HIVEP3: variants seen among roughly 807,000 people sequenced by gnomAD.
HIVEP3 encodes the protein HIVEP zinc finger 3.
A neutral mutation model predicts 152.8 loss-of-function variants in HIVEP3; 49 were observed. The ratio of observed to expected loss-of-function variants is 0.32; its 90% CI spans 0.26 to 0.41. The LOEUF is 0.41. Ranked by LOEUF, HIVEP3 falls within the 10% of genes least tolerant of loss-of-function variation. The pLI is 1.00. For synonymous variants in HIVEP3, 1,269 were observed against 1,289.0 expected, an observed-to-expected ratio of 0.98 and a Z score of 0.33; for missense variants, 2,790 against 3,103.3, an observed-to-expected ratio of 0.90 and a Z score of 2.40.
intron 2 of HIVEP3, among the ~76,000 whole-genome samples, chr1:41,694,677 C>A (rs1646246151): frequency 6.6e-6 from 1 of 152,216 alleles, no homozygotes; most frequent in Non-Finnish European, 1.5e-5. Context: ...AGACTGCCAT[C>A]CTCACCAAGC....
intron 1 of HIVEP3, among the ~76,000 whole-genome samples, chr1:41,983,966 C>T (rs1645308316): frequency 6.6e-6 from 1 of 152,064 alleles, no homozygotes; most frequent in African/African-American, 2.4e-5. Context: ...AAAATCCATA[C>T]TCATATTTTT....
At chr1:41,559,096 C>T (rs1372475693) in intron 5 of HIVEP3, among the ~76,000 whole-genome samples, 1 of 152,112 alleles carries the variant, frequency 6.6e-6, no homozygotes, top group African/African-American at 2.4e-5. Flanking sequence ...ATCCATAGCA[C>T]AGATCCAAAA....
intron 1 of HIVEP3, among the ~76,000 whole-genome samples, chr1:42,007,330 G>T (rs1270583597): frequency 6.6e-5 from 10 of 152,194 alleles, no homozygotes; most frequent in Non-Finnish European, 1.2e-4. Context: ...TCTTGAGTGG[G>T]ATTCTAGAGA....
intron 1 of HIVEP3, among the ~76,000 whole-genome samples, chr1:41,979,260 C>T (rs552508350): frequency 1.3e-5 from 2 of 152,322 alleles, no homozygotes; most frequent in East Asian, 1.9e-4. Flanking sequence ...ACTTGGTTCT[C>T]GCTGCTCTCC....
At chr1:41,847,966 A>G (rs1643488762) in intron 1 of HIVEP3, 1 of 152,336 alleles carries the variant, frequency 6.6e-6, no homozygotes, top group African/African-American at 2.4e-5. Flanking sequence ...AATGAAACAG[A>G]TATGACATGA....
At chr1:41,623,643 G>C (rs1645076620) in intron 3 of HIVEP3, among the ~76,000 whole-genome samples, 1 of 152,100 alleles carries the variant, frequency 6.6e-6, no homozygotes, top group South Asian at 2.1e-4. Context: ...AGGACTCCTG[G>C]GTTTCATTCC....
intron 1 of HIVEP3, among the ~76,000 whole-genome samples, chr1:41,846,077 A>G (rs1204122813): frequency 6.6e-6 from 1 of 152,158 alleles, no homozygotes; most frequent in Non-Finnish European, 1.5e-5. Context: ...AAGAAATAAT[A>G]AATAAAAAGT....
At chr1:41,885,188 G>A (rs1445503019) in intron 1 of HIVEP3, among the ~76,000 whole-genome samples, 1 of 152,176 alleles carries the variant, frequency 6.6e-6, no homozygotes, top group Non-Finnish European at 1.5e-5. Flanking sequence ...GTAAGACTTG[G>A]TTCAAGAAAA....
intron 1 of HIVEP3, among the ~76,000 whole-genome samples, chr1:41,826,555 T>C (rs1194596885): frequency 6.6e-6 from 1 of 152,170 alleles, no homozygotes; most frequent in African/African-American, 2.4e-5. Context: ...AACTGGACAG[T>C]CTGACTTCCA....
At chr1:41,828,617 C>T (rs1642870760) in intron 1 of HIVEP3, among the ~76,000 whole-genome samples, 1 of 152,204 alleles carries the variant, frequency 6.6e-6, no homozygotes. Flanking sequence ...TTTGGTGCTG[C>T]ACTCAGATGG....
At chr1:41,633,383 T>A (rs1645224456) in intron 2 of HIVEP3, among the ~76,000 whole-genome samples, 1 of 152,044 alleles carries the variant, frequency 6.6e-6, no homozygotes, top group Non-Finnish European at 1.5e-5. Flanking sequence ...ACCCCAGGAC[T>A]TGCTCAGAGC....
At chr1:41,729,006 C>T (rs1034045413) in intron 1 of HIVEP3, among the ~76,000 whole-genome samples, 6 of 152,190 alleles carry the variant, frequency 3.9e-5, no homozygotes, top group Non-Finnish European at 7.3e-5. Flanking sequence ...GCTGCAATCT[C>T]GCTCTCAGTC....
At chr1:41,973,526 T>C (rs1011757693) in intron 1 of HIVEP3, among the ~76,000 whole-genome samples, 8 of 152,236 alleles carry the variant, frequency 5.3e-5, no homozygotes, top group Admixed American at 1.3e-4. Flanking sequence ...ACATGGTAAC[T>C]GGCTTCACCA....
At chr1:41,527,894 A>G (rs1489757679) in intron 5 of HIVEP3, among the ~76,000 whole-genome samples, 1 of 84,878 alleles carries the variant, frequency 1.2e-5, no homozygotes. Context: ...CTCACACCCC[A>G]CCCTCATGCT....
intron 1 of HIVEP3, among the ~76,000 whole-genome samples, chr1:41,999,043 A>G (rs762542135): frequency 2.0e-4 from 31 of 151,508 alleles, no homozygotes; most frequent in Non-Finnish European, 3.8e-4. Context: ...CTACAGGTGC[A>G]TGCCACTACA....
chr1:41,666,866 C>T (rs900775898), intron 2 of HIVEP3, among the ~76,000 whole-genome samples: 1 of 152,194 alleles, frequency 6.6e-6, no homozygotes, highest in African/African-American at 2.4e-5. Flanking sequence ...TCCAAACCTC[C>T]CTCTCTCTGC....
chr1:41,802,978 A>G (rs1039623970), intron 1 of HIVEP3, among the ~76,000 whole-genome samples: 2 of 152,340 alleles, frequency 1.3e-5, no homozygotes, highest in East Asian at 3.9e-4. Flanking sequence ...AGCAGCTGGC[A>G]GGGTGCCCCC....
chr1:41,613,615 A>G (rs1419666496), intron 3 of HIVEP3, among the ~76,000 whole-genome samples: 1 of 152,270 alleles, frequency 6.6e-6, no homozygotes, highest in Non-Finnish European at 1.5e-5. Context: ...GCTAATGAGT[A>G]GAATTGTGTA....
intron 6 of HIVEP3, among the ~76,000 whole-genome samples, chr1:41,519,405 T>C (rs1253120547): frequency 1.3e-5 from 2 of 152,190 alleles, no homozygotes; most frequent in Non-Finnish European, 2.9e-5. Flanking sequence ...CACACAGCTC[T>C]GTGGACAGGA....
Sources: gnomAD v4.1 joint callset for allele counts (sites outside exome capture counted in the v4.1 genomes callset) on GRCh38, gnomAD v4.1.1 for gene constraint, MANE v1.5 for transcripts, NCBI Gene and HGNC (gene_info 2026-07-23, HGNC 2026-07-21) for gene names.